BICRA: variants seen among roughly 807,000 people sequenced by gnomAD.
BICRA encodes BRD4 interacting chromatin remodeling complex associated protein.
In BICRA, 31 loss-of-function variants were observed where a neutral mutation model predicts 96.9. That is an observed-to-expected ratio of 0.32 (90% CI 0.24 to 0.43). The LOEUF (loss-of-function observed/expected upper bound fraction) is 0.43, where lower values mean the gene tolerates loss of function less well. Among genes scored for constraint, BICRA ranks in the 20% least tolerant of loss-of-function variants. The pLI, the probability that BICRA is intolerant of heterozygous loss-of-function variation, is 1.00. For missense variants in BICRA, 2,283 were observed against 2,190.3 expected (o/e 1.04, Z -0.84); for synonymous variants, 1,350 against 1,071.8 (o/e 1.26, Z -5.07).
At chr19:47,654,034 C>T (rs1328151548) in intron 1 of BICRA, among the ~76,000 whole-genome samples, 1 of 152,176 alleles carries the variant, frequency 6.6e-6, no homozygotes, top group East Asian at 1.9e-4. Flanking sequence ...GTTTTCGACT[C>T]TCTTGGGTCT....
chr19:47,620,392 C>T (rs1053170170), intron 1 of BICRA, among the ~76,000 whole-genome samples: 2 of 152,020 alleles, frequency 1.3e-5, no homozygotes, highest in East Asian at 1.9e-4. Flanking sequence ...CTGGCCAGGG[C>T]GCAGTGGCTC....
chr19:47,627,175 G>A (rs568240408), intron 1 of BICRA, among the ~76,000 whole-genome samples: 16 of 152,020 alleles, frequency 1.1e-4, no homozygotes, highest in Non-Finnish European at 2.2e-4. Context: ...CTCCTTTTAC[G>A]CTTCCTGATG....
chr19:47,689,994 C>G (rs1216663861), intron 7 of BICRA, among the ~76,000 whole-genome samples: 4 of 151,968 alleles, frequency 2.6e-5, no homozygotes, highest in Admixed American at 2.6e-4. Context: ...ACTTGTTCAC[C>G]TGTTTTGTTT....
chr19:47,701,893 G>A lies in BICRA; in HGVS notation c.4161G>A (p.Leu1387=). ...GTAPHCPRLP[L]RKTYRENVGG... The stretch of plus-strand genomic sequence containing the variant: ...CCCCGCACTGCCCGCGCCTGCCACT[G>A]CGCAAGACCTACCGCGAGAACGTGG... Residue 1387 remains leucine, a synonymous_variant, in exon 15 of 15, where the codon CTG becomes CTA. Coordinates refer to ENST00000594866, the MANE Select transcript of BICRA (RefSeq NM_001394372.1). The surrounding 1 kb of genome is among the most constrained non-coding windows in gnomAD (Gnocchi z 5.4). 1 of 1,452,272 alleles carries A rather than the reference G, an allele frequency of 6.9e-7. No individual in the cohort carries two copies. Among genetic ancestry groups the A allele is most frequent in the Non-Finnish European group, 9.0e-7 (1 of 1,110,432 alleles). The allele number at this position is 1,452,272 out of a possible 1,614,324, so 90.0% of individuals were successfully genotyped here.
Position 47,699,054 on chromosome 19 carries a change from TC to T in BICRA, c.3490del (p.Arg1164GlyfsTer3). ...NKYRLLLLEE[S>X]RRVSPSAEMV... Reference sequence around the variant, plus strand: ...ATATCGGCTCCTGCTCCTGGAGGAGTCCCGGGTAGGGTCAGAGTCGCCTTCC... The same window carrying T: ...ATATCGGCTCCTGCTCCTGGAGGAGTCCGGGTAGGGTCAGAGTCGCCTTCC... On this transcript the variant is annotated frameshift_variant, in exon 13 of 15. Coordinates refer to ENST00000594866, the MANE Select transcript of BICRA (RefSeq NM_001394372.1). LOFTEE classifies it high-confidence loss of function. The surrounding 1 kb of genome is among the most constrained non-coding windows in gnomAD (Gnocchi z 5.0). 1 of 1,562,210 alleles carries T rather than the reference TC, an allele frequency of 6.4e-7. No homozygotes were observed. Among genetic ancestry groups the T allele is most frequent in the African/African-American group, 1.4e-5 (1 of 73,398 alleles).
At position 47,675,854 on chromosome 19, in the gene BICRA, G is replaced by C. The variant is rs2123579791; in HGVS notation, c.88G>C (p.Asp30His). 1 of 1,604,770 alleles carries C rather than the reference G, an allele frequency of 6.2e-7. No homozygotes were observed. The highest frequency in any genetic ancestry group is 8.5e-7 in the Non-Finnish European group (1 of 1,174,688). Residue 30 changes from aspartate (D) to histidine (H), a missense_variant, in exon 5 of 15, where the codon GAC (aspartate) becomes CAC (histidine). Physicochemically the swap from Asp to His is moderately conservative, Grantham distance 81. Coordinates refer to ENST00000594866, the MANE Select transcript of BICRA (RefSeq NM_001394372.1). This position sits in a 1 kb window ranked among gnomAD's most constrained non-coding sequence, Gnocchi z 4.7. ...GATGGGGCGGGTCTTGTTGCAGCTTGACAGTGATGACCTCCTGGATAATCC... is the reference window on the plus strand; with the variant it reads ...GATGGGGCGGGTCTTGTTGCAGCTTCACAGTGATGACCTCCTGGATAATCC... ...NDFLHGSEKL[D>H]SDDLLDNPGE... is the part of the protein sequence containing the mutation.
chr19:47,680,628 C>T lies in BICRA; in HGVS notation c.1458C>T (p.Leu486=), dbSNP rs766416474. The change falls in exon 6 of 15, where the codon CTC becomes CTT. Residue 486 remains leucine (L), a synonymous_variant. Transcript: ENST00000594866. ...GAPAVQLPQQ[L]SALPANVGGQ... ...CGGCGGTCCAGCTCCCGCAGCAGCTCTCAGCCCTGCCGGCCAACGTGGGCG... is the reference window on the plus strand; with the variant it reads ...CGGCGGTCCAGCTCCCGCAGCAGCTTTCAGCCCTGCCGGCCAACGTGGGCG... 1.9e-5 allele frequency: 30 copies of T among 1,610,156 alleles called. No homozygotes were observed. In the East Asian group the frequency reaches 6.3e-4, roughly 34 times the overall value.
At chr19:47,684,381 C>T (rs1253417453) in intron 7 of BICRA, among the ~76,000 whole-genome samples, 3 of 152,116 alleles carry the variant, frequency 2.0e-5, no homozygotes, top group Admixed American at 1.3e-4. Context: ...AGTGTATCAC[C>T]ATGTTGGCCA....
chr19:47,680,475 C>G lies in BICRA; in HGVS notation c.1305C>G (p.Ala435=). 6.5e-7 allele frequency: 1 copy of G among 1,541,358 alleles called. No homozygotes were observed. Among genetic ancestry groups the G allele is most frequent in the Non-Finnish European group, 8.7e-7 (1 of 1,145,602 alleles). Residue 435 remains alanine (A), a synonymous_variant, in exon 6 of 15, where the codon GCC becomes GCG. Coordinates refer to ENST00000594866, the MANE Select transcript of BICRA (RefSeq NM_001394372.1). ...KQPPATTTGA[A]PPQPPGALSK... ...CACCGGCCACCACCACCGGAGCGGCCCCGCCGCAGCCCCCCGGGGCCCTGA... is the reference window on the plus strand; with the variant it reads ...CACCGGCCACCACCACCGGAGCGGCGCCGCCGCAGCCCCCCGGGGCCCTGA...
At chr19:47,695,666 G>T (rs1282482251) in intron 10 of BICRA, among the ~76,000 whole-genome samples, 192 bp downstream of exon 10, 1 of 152,150 alleles carries the variant, frequency 6.6e-6, no homozygotes, top group East Asian at 1.9e-4. Flanking sequence ...GGCAGCCAGA[G>T]ATGAGGGAGA....
chr19:47,639,330 T>TTTC, intron 1 of BICRA, among the ~76,000 whole-genome samples: 1 of 128,528 alleles, frequency 7.8e-6, no homozygotes, highest in African/African-American at 3.1e-5. Context: ...TTTTTTTTTT[T>TTTC]TTTTTTTTTT....
chr19:47,631,027 CT>C (rs2123522674), intron 1 of BICRA, among the ~76,000 whole-genome samples: 1 of 152,232 alleles, frequency 6.6e-6, no homozygotes, highest in South Asian at 2.1e-4. Context: ...CGTGAAGCTG[CT>C]CATAGTGGAA....
chr19:47,696,647 G>A (rs1306488196), intron 11 of BICRA, 135 bp downstream of exon 11: 3 of 743,902 alleles, frequency 4.0e-6, no homozygotes, highest in African/African-American at 3.5e-5. Flanking sequence ...TAGCGATGTA[G>A]TTCCCTCATA....
chr19:47,684,789 C>T (rs1040608069), intron 7 of BICRA, among the ~76,000 whole-genome samples: 5 of 152,122 alleles, frequency 3.3e-5, no homozygotes, highest in Admixed American at 2.0e-4. Context: ...GCTGGAAACA[C>T]CTGAAGTCTT....
chr19:47,681,303 G>A lies in BICRA; in HGVS notation c.2106+27G>A, dbSNP rs1395204381. ...TAAGCAGGGCGGGGCAAGGGAGCAG[G>A]TACCGGAGGAGGCGGGTTTGGGAGG... On this transcript the variant is annotated intron_variant, in intron 6 of 14. Transcript: ENST00000594866. 2.6e-6 allele frequency: 4 copies of A among 1,538,364 alleles called. No homozygotes were observed. The African/African-American group carries it at 4.1e-5, about 16-fold the overall frequency.
intron 1 of BICRA, among the ~76,000 whole-genome samples, chr19:47,668,875 T>C (rs1972822703): frequency 6.6e-6 from 1 of 151,468 alleles, no homozygotes; most frequent in African/African-American, 2.4e-5. Flanking sequence ...ATCCCAACAC[T>C]CTGGGAGGCC....
chr19:47,622,779 C>A lies in BICRA; in HGVS notation c.-108+13611C>A, dbSNP rs1274268585. On this transcript the variant is annotated intron_variant, in intron 1 of 14. Coordinates refer to ENST00000594866, the MANE Select transcript of BICRA (RefSeq NM_001394372.1). ...AGTGGGCCGGGTGCGGTGGCTCATG[C>A]CTGTAATCCTAGCACTTTGGGAGCC... Among the ~76,000 whole-genome samples the A allele has an allele frequency of 2.7e-5, 4 of 149,446 alleles. No individual in the cohort carries two copies. In the South Asian group the frequency reaches 8.4e-4, roughly 32 times the overall value.
Position 47,701,093 on chromosome 19 carries a change from G to A in BICRA, c.3596-235G>A. On this transcript the variant is annotated intron_variant, in intron 14 of 14. Transcript: ENST00000594866. This position sits in a 1 kb window ranked among gnomAD's most constrained non-coding sequence, Gnocchi z 5.4. ...TTTTGTATTCTCTTAATTTACTTAT[G>A]TCTGAATGAGCCCCACGTGGCTCGT... 1.8e-6 allele frequency: 1 copy of A among 563,380 alleles called. No individual in the cohort carries two copies. 34.9% of individuals were successfully genotyped at this position (563,380 alleles called of 1,614,324 possible).
intron 1 of BICRA, among the ~76,000 whole-genome samples, chr19:47,660,250 C>A (rs1258271588): frequency 2.0e-5 from 3 of 152,082 alleles, no homozygotes; most frequent in Non-Finnish European, 4.4e-5. Flanking sequence ...TGGCTCGTAG[C>A]CACGTGACAT....
Sources: gnomAD v4.1 joint callset for allele counts (sites outside exome capture counted in the v4.1 genomes callset) on GRCh38, gnomAD v4.1.1 for gene constraint, Gnocchi (gnomAD v3.1) non-coding constraint, MANE v1.5 for transcripts, NCBI Gene and HGNC (gene_info 2026-07-23, HGNC 2026-07-21) for gene names.